BCORL1: variants seen among roughly 807,000 people sequenced by gnomAD.
BCORL1 encodes the protein BCL-6 corepressor-like protein 1.
In BCORL1, 7 loss-of-function variants were observed where a neutral mutation model predicts 87.6. The observed-to-expected ratio is 0.08, with a 90% CI of 0.05 to 0.15. The LOEUF (loss-of-function observed/expected upper bound fraction) is 0.15, where lower values mean the gene tolerates loss of function less well. BCORL1 is among the 10% of genes least tolerant of loss of function. BCORL1 has a pLI of 1.00. For synonymous variants in BCORL1, 591 were observed against 634.4 expected, an observed-to-expected ratio of 0.93 and a Z score of 1.03; for missense variants, 1,215 against 1,499.7, an observed-to-expected ratio of 0.81 and a Z score of 3.13.
chrX:130,045,243 T>C (rs950039150), intron 11 of BCORL1, among the ~76,000 whole-genome samples: 1 of 112,307 alleles, frequency 8.9e-6, no homozygotes, highest in Admixed American at 9.4e-5. Context: ...CAGACTTGTT[T>C]TTCCTCGTCT....
chrX:130,051,853 C>CT lies in BCORL1; in HGVS notation c.4919-5dup. 1 of 1,191,063 alleles carries CT rather than the reference C, an allele frequency of 8.4e-7. No individual in the cohort carries two copies. Among genetic ancestry groups the CT allele is most frequent in the Non-Finnish European group, 1.1e-6 (1 of 884,391 alleles). The stretch of plus-strand genomic sequence containing the variant: ...GAGTCCTAATCCCCTATATGCTCCC[C>CT]TTACAGAGGAAAAAGACGGGTTTGC... On this transcript the variant is annotated splice_region_variant and splice_polypyrimidine_tract_variant and intron_variant, in intron 12 of 13. Coordinates refer to ENST00000540052, the MANE Select transcript of BCORL1 (RefSeq NM_001379451.1).
At chrX:130,022,807 T>A in intron 5 of BCORL1, 90 bp from the exon 6 acceptor site, 1 of 787,725 alleles carries the variant, frequency 1.3e-6, no homozygotes, top group Non-Finnish European at 1.9e-6. Flanking sequence ...TTCTCAATCT[T>A]TCCCCCGAGC....
chrX:130,021,040 C>A lies in BCORL1; in HGVS notation c.3497C>A (p.Ala1166Asp). Residue 1166 changes from alanine (A) to aspartate (D), a missense_variant, in exon 5 of 14, where the codon GCT (alanine) becomes GAT (aspartate). This residue lies in a region of BCORL1 where 861 missense variants were observed against 1,010.0 expected (regional missense o/e 0.85). Coordinates refer to ENST00000540052, the MANE Select transcript of BCORL1 (RefSeq NM_001379451.1). ...TCCACCAAGAAAAGCCCCAGGGGGG[C>A]TTCAGATTCAGGAAAAGAGCACAAT... Reference protein sequence around the residue: ...QESTKKSPRGASDSGKEHNGV... With the variant: ...QESTKKSPRGDSDSGKEHNGV... The A allele has an allele frequency of 8.4e-7, 1 of 1,189,600 alleles. No homozygotes were observed. The highest frequency in any genetic ancestry group is 3.1e-5 in the East Asian group (1 of 31,907).
At chrX:130,044,798 C>T (rs1019106129) in intron 11 of BCORL1, among the ~76,000 whole-genome samples, 6 of 112,457 alleles carry the variant, frequency 5.3e-5, no homozygotes, top group Non-Finnish European at 9.4e-5. Flanking sequence ...CGTGAGCCAC[C>T]GCGCCCAGCA....
chrX:130,023,987 C>T (rs1409558959), intron 6 of BCORL1, among the ~76,000 whole-genome samples: 5 of 112,521 alleles, frequency 4.4e-5, no homozygotes, highest in East Asian at 2.8e-4. Flanking sequence ...CTTTCTTCTG[C>T]TGACTTCGCT....
At chrX:130,048,312 T>C (rs1931876406) in intron 11 of BCORL1, among the ~76,000 whole-genome samples, 1 of 112,048 alleles carries the variant, frequency 8.9e-6, no homozygotes, top group Non-Finnish European at 1.9e-5. Context: ...TGGGATTTGC[T>C]TTCTGGGGGG....
intron 2 of BCORL1, among the ~76,000 whole-genome samples, chrX:130,008,867 G>A (rs868440114): frequency 2.4e-4 from 27 of 112,116 alleles, no homozygotes; most frequent in Middle Eastern, 9.2e-3. Flanking sequence ...CCAGGTGGCC[G>A]TCTCTAGGCA....
In BCORL1 at chrX:130,057,864, AT is replaced by A. The variant is rs1263628872; in HGVS notation, c.*1729del. 1 of 108,071 alleles carries A rather than the reference AT, an allele frequency of 9.3e-6. No homozygotes were observed. Among genetic ancestry groups the A allele is most frequent in the African/African-American group, 3.4e-5 (1 of 29,655 alleles). The allele number at this position is 108,071 out of a possible 1,213,427, so 8.9% of individuals were successfully genotyped here. A position where few individuals can be genotyped will look rare whatever the true frequency, so the allele number is the denominator to read the frequency against. On this transcript the variant is annotated 3_prime_UTR_variant, in exon 14 of 14. Coordinates refer to ENST00000540052, the MANE Select transcript of BCORL1 (RefSeq NM_001379451.1). Reference sequence around the variant, plus strand: ...TGTTTTCCCTTTTTAAGAAAAAAAAATACATATATATATACATATATATATA... The same window carrying A: ...TGTTTTCCCTTTTTAAGAAAAAAAAAACATATATATATACATATATATATA...
chrX:130,038,696 G>A (rs1931111950), intron 10 of BCORL1, among the ~76,000 whole-genome samples: 1 of 111,297 alleles, frequency 9.0e-6, no homozygotes. Context: ...TGGCCAGGCT[G>A]GTCTCAAACT....
In BCORL1 at chrX:130,043,778, A is replaced by AT. The variant is rs1378667985; in HGVS notation, c.4840+4497dup. On this transcript the variant is annotated intron_variant, in intron 11 of 13. Coordinates refer to ENST00000540052, the MANE Select transcript of BCORL1 (RefSeq NM_001379451.1). Reference sequence around the variant, plus strand: ...TATATATATATATATATATATATATATATATATTTTTTTTTTTTTTTTTTT... The same window carrying AT: ...TATATATATATATATATATATATATATTATATATTTTTTTTTTTTTTTTTTT... 4.6e-3 allele frequency among the ~76,000 whole-genome samples: 101 copies of AT among 21,867 alleles called. 4 individuals carry two copies. The highest frequency in any genetic ancestry group is 0.032 in the African/African-American group (93 of 2,893). 19.0% of individuals were successfully genotyped at this position (21,867 alleles called of 115,157 possible).
Position 130,056,126 on chromosome X carries a change from G to C in BCORL1, c.5348G>C (p.Cys1783Ser). ...GGGTCCGAGGTGGAATTCCAGTCTT[G>C]CAACAGTTGACCGGGAAAACAGCCC... ...LLGSEVEFQS[C>S]NS Residue 1783 changes from cysteine to serine, a missense_variant, in exon 14 of 14, where the codon TGC (cysteine) becomes TCC (serine). Physicochemically the swap from Cys to Ser is moderately radical, Grantham distance 112. Transcript: ENST00000540052. The C allele has an allele frequency of 8.5e-7, 1 of 1,170,556 alleles. No homozygotes were observed. The highest frequency in any genetic ancestry group is 1.9e-5 in the South Asian group (1 of 51,312).
chrX:130,047,825 G>A (rs915472291), intron 11 of BCORL1, among the ~76,000 whole-genome samples: 7 of 111,703 alleles, frequency 6.3e-5, no homozygotes, highest in Non-Finnish European at 1.3e-4. Flanking sequence ...AGACAATGGT[G>A]AACAGGACAG....
chrX:129,996,282 A>G (rs1168681706), intron 1 of BCORL1, among the ~76,000 whole-genome samples: 1 of 111,590 alleles, frequency 9.0e-6, no homozygotes, highest in Admixed American at 9.6e-5. Context: ...TCTAGAGGAC[A>G]GATTCAGGGC....
rs148298964 is a variant in BCORL1 at position 130,033,142 on chromosome X, C to T, written c.4306-1313C>T. On this transcript the variant is annotated intron_variant, in intron 8 of 13. Transcript: ENST00000540052. Reference sequence around the variant, plus strand: ...CATCACCCAGGCTGGAGCGCAGTGCCGCAATCTTGGCATACTGCAACCTCC... The same window carrying T: ...CATCACCCAGGCTGGAGCGCAGTGCTGCAATCTTGGCATACTGCAACCTCC... 9.2e-3 allele frequency among the ~76,000 whole-genome samples: 981 copies of T among 107,140 alleles called. 16 individuals are homozygous for T. The highest frequency in any genetic ancestry group is 0.032 in the African/African-American group (927 of 29,114). The allele number at this position is 107,140 out of a possible 115,157, so 93.0% of individuals were successfully genotyped here. A position where few individuals can be genotyped will look rare whatever the true frequency, so the allele number is the denominator to read the frequency against.
intron 2 of BCORL1, among the ~76,000 whole-genome samples, chrX:130,008,500 T>G (rs770044002): frequency 2.7e-5 from 3 of 110,811 alleles, no homozygotes; most frequent in Non-Finnish European, 5.7e-5. Flanking sequence ...CGACCTCTGG[T>G]GATCCACCTG....
intron 2 of BCORL1, among the ~76,000 whole-genome samples, chrX:130,011,597 C>G (rs1402640008): frequency 2.7e-5 from 3 of 111,731 alleles, no homozygotes; most frequent in African/African-American, 9.8e-5. Context: ...TGATGCCACC[C>G]TCTCCCTTTT....
intron 1 of BCORL1, among the ~76,000 whole-genome samples, chrX:129,996,183 G>C (rs1004087917): frequency 7.2e-5 from 8 of 111,157 alleles, no homozygotes; most frequent in Admixed American, 9.6e-5. Context: ...CTCTATTGGA[G>C]GAGTAGGTCC....
intron 2 of BCORL1, among the ~76,000 whole-genome samples, 158 bp from the exon 3 acceptor site, chrX:130,012,420 A>G (rs974000758): frequency 9.0e-6 from 1 of 111,257 alleles, no homozygotes; most frequent in Admixed American, 9.6e-5. Context: ...GTAACCAAGA[A>G]CCCCCAGTTC....
chrX:130,004,241 G>GTTTTTT (rs1189082044), intron 1 of BCORL1, among the ~76,000 whole-genome samples: 122 of 85,580 alleles, frequency 1.4e-3, no homozygotes, highest in African/African-American at 5.6e-3. Context: ...GAAATGTGTG[G>GTTTTTT]TTTTTTTTTT....
Sources: allele counts gnomAD v4.1 joint callset (sites outside exome capture counted in the v4.1 genomes callset), GRCh38; gene constraint gnomAD v4.1.1; regional missense constraint gnomAD v4.1.1; transcripts MANE v1.5; gene names NCBI Gene and HGNC (gene_info 2026-07-23, HGNC 2026-07-21).